The following KCMF1 variants were observed in gnomAD, a reference collection of about 807,000 sequenced individuals.
KCMF1 encodes potassium channel modulatory factor 1.
Under a neutral mutation model 41.1 loss-of-function variants are expected in KCMF1, and 3 were observed. The ratio of observed to expected loss-of-function variants is 0.07; its 90% CI spans 0.03 to 0.19. The LOEUF (loss-of-function observed/expected upper bound fraction) is 0.19, where lower values mean the gene tolerates loss of function less well. KCMF1 is among the 10% of genes least tolerant of loss of function. The pLI is 1.00. For missense variants in KCMF1, 286 were observed against 488.9 expected, an observed-to-expected ratio of 0.58 and a Z score of 3.91; for synonymous variants, 142 against 164.5, an observed-to-expected ratio of 0.86 and a Z score of 1.04.
At chr2:84,975,141 G>A (rs565162785) in intron 1 of KCMF1, among the ~76,000 whole-genome samples, 122 of 152,186 alleles carry the variant, frequency 8.0e-4, no homozygotes, top group African/African-American at 2.7e-3. Flanking sequence ...GGTGGCTCAC[G>A]CTGAGGCAGA....
intron 1 of KCMF1, among the ~76,000 whole-genome samples, chr2:85,009,487 G>T (rs57329805): frequency 0.066 from 10,062 of 152,230 alleles, 573 homozygotes; most frequent in East Asian, 0.34. Context: ...AGGTCGTGCT[G>T]TACAGGGGCT....
chr2:85,011,410 A>T lies in KCMF1; in HGVS notation c.17-16479A>T, dbSNP rs537960421. Among the ~76,000 whole-genome samples, 4 of 152,238 alleles carry T rather than the reference A, an allele frequency of 2.6e-5. No individual in the cohort carries two copies. In the South Asian group the frequency reaches 8.3e-4, roughly 32 times the overall value. Reference sequence around the variant, plus strand: ...TACTTGGTGCTTGCTTGGTGTACTTATTGTATCACTGCTTCTGGGCCCTGT... The same window carrying T: ...TACTTGGTGCTTGCTTGGTGTACTTTTTGTATCACTGCTTCTGGGCCCTGT... On this transcript the variant is annotated intron_variant, in intron 1 of 6. Coordinates refer to ENST00000409785, the MANE Select transcript of KCMF1 (RefSeq NM_020122.5).
At chr2:85,022,886 CTTTTTTTTTT>C (rs34732141) in intron 1 of KCMF1, among the ~76,000 whole-genome samples, 1 of 111,768 alleles carries the variant, frequency 8.9e-6, no homozygotes, top group Admixed American at 1.1e-4. Flanking sequence ...TGTATGTATT[CTTTTTTTTTT>C]TTTTTTTTTT....
chr2:85,012,032 A>G (rs1403600948), intron 1 of KCMF1, among the ~76,000 whole-genome samples: 2 of 152,226 alleles, frequency 1.3e-5, no homozygotes, highest in Non-Finnish European at 2.9e-5. Context: ...AAACAGTAGT[A>G]ATAACTAACC....
intron 1 of KCMF1, among the ~76,000 whole-genome samples, chr2:84,973,028 T>C (rs1184516470): frequency 1.3e-5 from 2 of 152,224 alleles, no homozygotes; most frequent in African/African-American, 2.4e-5. Flanking sequence ...ATTAAAGTTA[T>C]AATCAGTTTT....
intron 2 of KCMF1, among the ~76,000 whole-genome samples, chr2:85,031,343 T>A (rs1310105065): frequency 1.3e-5 from 2 of 152,264 alleles, no homozygotes; most frequent in Admixed American, 1.3e-4. Context: ...GTATGAGTTT[T>A]GCACTTCCAT....
rs1458109567 is a variant in KCMF1, at chr2:85,053,557, A to G, written c.*148A>G. The G allele has an allele frequency of 1.2e-6, 1 of 855,990 alleles. No individual in the cohort carries two copies. Among genetic ancestry groups the G allele is most frequent in the Non-Finnish European group, 1.8e-6 (1 of 566,940 alleles). The allele number at this position is 855,990 out of a possible 1,614,324, so 53.0% of individuals were successfully genotyped here. A position where few individuals can be genotyped will look rare whatever the true frequency, so the allele number is the denominator to read the frequency against. ...CATTCAAAAGGAAGAGAGAAAATAT[A>G]TATGATAATCATTTCCACTTAACTA... On this transcript the variant is annotated 3_prime_UTR_variant, in exon 7 of 7. Transcript: ENST00000409785.
chr2:85,003,075 G>C (rs183929837), intron 1 of KCMF1, among the ~76,000 whole-genome samples: 10 of 152,104 alleles, frequency 6.6e-5, no homozygotes, highest in Admixed American at 2.0e-4. Context: ...ATCTCATCTT[G>C]GGCTAATATT....
intron 1 of KCMF1, among the ~76,000 whole-genome samples, chr2:84,997,523 C>T (rs999247407): frequency 6.6e-6 from 1 of 152,042 alleles, no homozygotes; most frequent in Non-Finnish European, 1.5e-5. Context: ...CCCATGGTCT[C>T]CTCTTAAGAG....
chr2:85,002,801 C>T (rs992743167), intron 1 of KCMF1, among the ~76,000 whole-genome samples: 5 of 152,026 alleles, frequency 3.3e-5, no homozygotes, highest in African/African-American at 1.2e-4. Context: ...CTGAACAGCC[C>T]ATTTTGTCCT....
intron 1 of KCMF1, among the ~76,000 whole-genome samples, chr2:84,988,040 G>C (rs1008424942): frequency 2.2e-4 from 33 of 152,060 alleles, no homozygotes; most frequent in African/African-American, 7.7e-4. Context: ...GACCAACATG[G>C]AGAAATGCCG....
chr2:84,979,644 A>C (rs1673653341), intron 1 of KCMF1, among the ~76,000 whole-genome samples: 1 of 152,144 alleles, frequency 6.6e-6, no homozygotes, highest in Admixed American at 6.6e-5. Context: ...TGCTGTTCCT[A>C]ATAAAAGTCT....
At chr2:85,030,809 CCCT>C (rs1228858304) in intron 2 of KCMF1, among the ~76,000 whole-genome samples, 3 of 152,142 alleles carry the variant, frequency 2.0e-5, no homozygotes, top group African/African-American at 7.2e-5. Context: ...CAATCCTCCA[CCCT>C]CAGCCTTCCA....
intron 1 of KCMF1, among the ~76,000 whole-genome samples, chr2:85,005,845 A>G (rs1369208241): frequency 6.6e-6 from 1 of 152,158 alleles, no homozygotes; most frequent in Non-Finnish European, 1.5e-5. Context: ...ATAGTGTGTA[A>G]TGACCAGATC....
intron 2 of KCMF1, 106 bp from the exon 3 acceptor site, chr2:85,034,910 C>A: frequency 1.0e-6 from 1 of 968,586 alleles, no homozygotes; most frequent in Non-Finnish European, 1.5e-6. Flanking sequence ...GCATGAACCA[C>A]TGCTCCTGGC....
chr2:85,041,686 G>C (rs756987627), intron 3 of KCMF1, among the ~76,000 whole-genome samples: 3 of 151,392 alleles, frequency 2.0e-5, no homozygotes, highest in Middle Eastern at 3.5e-3. Flanking sequence ...TTTTCAGAAT[G>C]ATGAGTCTCT....
rs1574037284 is a variant in KCMF1, at chr2:85,035,220, A to G, written c.324+65A>G. On this transcript the variant is annotated intron_variant, in intron 3 of 6. Coordinates refer to ENST00000409785, the MANE Select transcript of KCMF1 (RefSeq NM_020122.5). The stretch of plus-strand genomic sequence containing the variant: ...AAAGTATATTATTTCTAACATTAAT[A>G]AAGCTAGGTCACTGTCATCTGCTTC... The G allele has an allele frequency of 2.1e-5, 29 of 1,380,004 alleles. No homozygotes were observed. The East Asian group carries it at 6.8e-4, about 32-fold the overall frequency. 85.5% of individuals were successfully genotyped at this position (1,380,004 alleles called of 1,614,324 possible).
chr2:84,986,887 A>C (rs1489095574), intron 1 of KCMF1, among the ~76,000 whole-genome samples: 1 of 152,136 alleles, frequency 6.6e-6, no homozygotes, highest in Non-Finnish European at 1.5e-5. Context: ...GTCTCAAAAA[A>C]AAGAAAGAAA....
chr2:85,032,596 T>A (rs1202344139), intron 2 of KCMF1, among the ~76,000 whole-genome samples: 3 of 152,140 alleles, frequency 2.0e-5, no homozygotes, highest in Non-Finnish European at 2.9e-5. Context: ...AGGCTAGTCT[T>A]GAGCTCCTGA....
Sources: gnomAD v4.1 joint callset for allele counts (sites outside exome capture counted in the v4.1 genomes callset) on GRCh38, gnomAD v4.1.1 for gene constraint, MANE v1.5 for transcripts, NCBI Gene and HGNC (gene_info 2026-07-23, HGNC 2026-07-21) for gene names.